FNDC3A: variants seen among roughly 807,000 people sequenced by gnomAD.
FNDC3A encodes the protein fibronectin type-III domain-containing protein 3A.
In FNDC3A, 32 loss-of-function variants were observed where a neutral mutation model predicts 148.9. The ratio of observed to expected loss-of-function variants is 0.21; its 90% CI spans 0.16 to 0.29. The LOEUF is 0.29. FNDC3A is among the 10% of genes least tolerant of loss of function. The pLI is 1.00. For synonymous variants in FNDC3A, 472 were observed against 473.6 expected (o/e 1.00, Z 0.04); for missense variants, 1,191 against 1,452.8 (o/e 0.82, Z 2.93).
chr13:48,993,328 C>T (rs1337503782), intron 1 of FNDC3A, among the ~76,000 whole-genome samples: 3 of 152,292 alleles, frequency 2.0e-5, no homozygotes, highest in African/African-American at 7.2e-5. Flanking sequence ...TACTGGGCCC[C>T]ACCACACACC....
At chr13:49,111,091 G>T (rs1880539850) in intron 3 of FNDC3A, among the ~76,000 whole-genome samples, 1 of 152,196 alleles carries the variant, frequency 6.6e-6, no homozygotes, top group Admixed American at 6.5e-5. Flanking sequence ...GCATACATTT[G>T]TCAATAGGAT....
At chr13:49,195,996 C>T (rs913194005) in intron 19 of FNDC3A, among the ~76,000 whole-genome samples, 1 of 151,014 alleles carries the variant, frequency 6.6e-6, no homozygotes, top group Non-Finnish European at 1.5e-5. Flanking sequence ...ATGGCTTGAG[C>T]CCAGGAAGTC....
chr13:49,056,001 G>A (rs1031538672), intron 2 of FNDC3A, among the ~76,000 whole-genome samples: 1 of 151,886 alleles, frequency 6.6e-6, no homozygotes, highest in Non-Finnish European at 1.5e-5. Context: ...AGCCCAGGCA[G>A]CATGGCAAGA....
chr13:49,147,671 T>C (rs1326562812), intron 8 of FNDC3A, among the ~76,000 whole-genome samples: 1 of 152,204 alleles, frequency 6.6e-6, no homozygotes, highest in African/African-American at 2.4e-5. Context: ...TTTGCTCTTG[T>C]CAATAGTGCT....
Position 49,136,611 on chromosome 13 carries a change from T to G in FNDC3A, c.760+10T>G. ...GATACAGAAATTGAAGGTAACTGTTTGAAGTACTGAACTGTTCTCATTGAT... is the reference window on the plus strand; with the variant it reads ...GATACAGAAATTGAAGGTAACTGTTGGAAGTACTGAACTGTTCTCATTGAT... On this transcript the variant is annotated intron_variant, in intron 6 of 25. Transcript: ENST00000492622. The G allele has an allele frequency of 6.2e-7, 1 of 1,610,098 alleles. No individual in the cohort carries two copies. The highest frequency in any genetic ancestry group is 2.2e-5 in the East Asian group (1 of 44,756).
chr13:49,043,383 G>C (rs971363000), intron 2 of FNDC3A, among the ~76,000 whole-genome samples: 1 of 151,992 alleles, frequency 6.6e-6, no homozygotes, highest in Non-Finnish European at 1.5e-5. Context: ...TGTTCTATGT[G>C]GCCCATTCTT....
chr13:49,058,412 C>G (rs925531128), intron 2 of FNDC3A, among the ~76,000 whole-genome samples: 1 of 152,122 alleles, frequency 6.6e-6, no homozygotes, highest in African/African-American at 2.4e-5. Context: ...TTGCGGATTT[C>G]ATTTCTGCCT....
At chr13:49,194,992 T>G (rs1035331305) in intron 19 of FNDC3A, among the ~76,000 whole-genome samples, 14 of 152,052 alleles carry the variant, frequency 9.2e-5, no homozygotes, top group African/African-American at 3.4e-4. Flanking sequence ...GAAGTTGGAG[T>G]TTTGATTTTG....
At chr13:49,047,767 C>T (rs1304767380) in intron 2 of FNDC3A, among the ~76,000 whole-genome samples, 1 of 152,130 alleles carries the variant, frequency 6.6e-6, no homozygotes, top group Non-Finnish European at 1.5e-5. Flanking sequence ...TGGATTATTT[C>T]TTTTGCTGTG....
In FNDC3A at chr13:49,072,990, T is replaced by C. The variant is rs1877804865; in HGVS notation, c.100-2299T>C. ...GCCTAATTTCTCTGGCTGGATGTACTAAGCCTTTGAAATCCAGTGTTTATT... is the reference window on the plus strand; with the variant it reads ...GCCTAATTTCTCTGGCTGGATGTACCAAGCCTTTGAAATCCAGTGTTTATT... On this transcript the variant is annotated intron_variant, in intron 2 of 25. Coordinates refer to ENST00000492622, the MANE Select transcript of FNDC3A (RefSeq NM_001079673.2). Among the ~76,000 whole-genome samples the C allele has an allele frequency of 2.0e-5, 3 of 152,344 alleles. No homozygotes were observed. In the South Asian group the frequency reaches 6.2e-4, roughly 32 times the overall value.
At chr13:48,988,694 T>C (rs1951850419) in intron 1 of FNDC3A, among the ~76,000 whole-genome samples, 1 of 151,604 alleles carries the variant, frequency 6.6e-6, no homozygotes, top group Non-Finnish European at 1.5e-5. Context: ...AATAAGTAAA[T>C]AAGTAAGTAA....
chr13:49,158,710 T>G (rs1014730997), intron 8 of FNDC3A, among the ~76,000 whole-genome samples: 3 of 152,354 alleles, frequency 2.0e-5, no homozygotes, highest in African/African-American at 7.2e-5. Context: ...ATGTCCTGAA[T>G]GGTAATGCCT....
intron 2 of FNDC3A, chr13:49,046,802 A>C (rs982720169): frequency 6.6e-6 from 1 of 152,158 alleles, no homozygotes; most frequent in Admixed American, 6.5e-5. Context: ...GCCTTTGTGG[A>C]ATGTAAACCA....
At chr13:49,132,354 GAATA>G (rs973658202) in intron 5 of FNDC3A, among the ~76,000 whole-genome samples, 7 of 152,168 alleles carry the variant, frequency 4.6e-5, no homozygotes, top group Middle Eastern at 6.8e-3. Flanking sequence ...ATTGCAATTA[GAATA>G]AAATCCTAAA....
chr13:49,056,487 G>A (rs184219820), intron 2 of FNDC3A, among the ~76,000 whole-genome samples: 4 of 152,136 alleles, frequency 2.6e-5, no homozygotes, highest in African/African-American at 9.7e-5. Flanking sequence ...GAGAATTCAT[G>A]TCATTAAGTC....
At chr13:49,138,911 A>T in intron 7 of FNDC3A, 106 bp downstream of exon 7, 1 of 552,664 alleles carries the variant, frequency 1.8e-6, no homozygotes, top group South Asian at 3.3e-5. Flanking sequence ...TGAAAATAGG[A>T]TCATACTGTA....
chr13:49,096,649 G>T (rs1177116492), intron 3 of FNDC3A, among the ~76,000 whole-genome samples: 12 of 152,118 alleles, frequency 7.9e-5, no homozygotes, highest in Admixed American at 7.2e-4. Flanking sequence ...CCTAGAGAGA[G>T]AATTTGTTTT....
chr13:49,194,125 G>C (rs547113357), intron 19 of FNDC3A, among the ~76,000 whole-genome samples: 1 of 151,926 alleles, frequency 6.6e-6, no homozygotes, highest in Non-Finnish European at 1.5e-5. Context: ...GCTGGGCTTG[G>C]TGGTACCCAC....
At chr13:49,161,868 A>G (rs921103795) in intron 8 of FNDC3A, among the ~76,000 whole-genome samples, 1 of 152,160 alleles carries the variant, frequency 6.6e-6, no homozygotes, top group African/African-American at 2.4e-5. Flanking sequence ...TCCTTCACTT[A>G]TGAAGCTTAG....
Sources: gnomAD v4.1 joint callset for allele counts (sites outside exome capture counted in the v4.1 genomes callset) on GRCh38, gnomAD v4.1.1 for gene constraint, MANE v1.5 for transcripts, NCBI Gene and HGNC (gene_info 2026-07-23, HGNC 2026-07-21) for gene names.